Variants in PALM2AKAP2 observed in about 807,000 individuals in gnomAD.
The protein encoded by PALM2AKAP2 is PALM2-AKAP2 fusion protein.
Under a neutral mutation model 71.5 loss-of-function variants are expected in PALM2AKAP2, and 37 were observed. The observed-to-expected ratio is 0.52, with a 90% CI of 0.40 to 0.68. PALM2AKAP2 has a LOEUF of 0.68. Ranked by LOEUF, PALM2AKAP2 falls within the 30% of genes least tolerant of loss-of-function variation. The pLI is 0.00. For synonymous variants in PALM2AKAP2, 468 were observed against 478.8 expected (o/e 0.98, Z 0.29); for missense variants, 1,224 against 1,191.8 (o/e 1.03, Z -0.40).
At chr9:109,887,915 T>C (rs748360512) in intron 3 of PALM2AKAP2, among the ~76,000 whole-genome samples, 2 of 152,174 alleles carry the variant, frequency 1.3e-5, no homozygotes, top group African/African-American at 2.4e-5. Context: ...GGTAATGTGA[T>C]TCTCCCTCCT....
intron 1 of PALM2AKAP2, among the ~76,000 whole-genome samples, chr9:109,825,424 G>A (rs1029783272): frequency 5.3e-5 from 8 of 152,178 alleles, no homozygotes; most frequent in Non-Finnish European, 1.2e-4. Context: ...GAGTGAACAG[G>A]CAGCTTACAG....
At chr9:110,068,696 T>C (rs185977639) in intron 1 of PALM2AKAP2, among the ~76,000 whole-genome samples, 16 of 152,172 alleles carry the variant, frequency 1.1e-4, no homozygotes, top group Admixed American at 9.8e-4. Context: ...CATGCCTGGC[T>C]AATTTTTAAA....
At position 109,982,968 on chromosome 9, in the gene PALM2AKAP2, C is replaced by T. The variant is rs866694693; in HGVS notation, c.497-32986C>T. On this transcript the variant is annotated intron_variant, in intron 6 of 9. Coordinates refer to the PALM2AKAP2 transcript ENST00000302798. ...AGAAAGAGCCAGCCAGCTGTCTGCC[C>T]ATGTCTTTGAGCTACATGAAGATTA... Among the ~76,000 whole-genome samples the T allele has an allele frequency of 3.9e-5, 6 of 152,228 alleles. No individual in the cohort carries two copies. In the South Asian group the frequency reaches 1.2e-3, roughly 32 times the overall value.
chr9:109,974,411 G>T (rs1335876897), intron 6 of PALM2AKAP2, among the ~76,000 whole-genome samples: 2 of 152,084 alleles, frequency 1.3e-5, no homozygotes, highest in South Asian at 2.1e-4. Context: ...TCTTCTGGGA[G>T]TGTTGCCTCT....
intron 3 of PALM2AKAP2, among the ~76,000 whole-genome samples, chr9:109,905,994 A>C (rs1368882763): frequency 6.7e-6 from 1 of 150,326 alleles, no homozygotes; most frequent in Non-Finnish European, 1.5e-5. Context: ...CTTTTTTACA[A>C]AAAAGAGAAG....
chr9:110,051,997 G>T (rs372643878), intron 1 of PALM2AKAP2, among the ~76,000 whole-genome samples: 2 of 151,464 alleles, frequency 1.3e-5, no homozygotes, highest in Non-Finnish European at 2.9e-5. Flanking sequence ...CCGCTTCCCC[G>T]GTTCACATCA....
intron 6 of PALM2AKAP2, among the ~76,000 whole-genome samples, chr9:109,954,658 T>TAAAAAAAA (rs56743395): frequency 7.4e-4 from 80 of 107,814 alleles, no homozygotes; most frequent in African/African-American, 1.1e-3. Context: ...TAAAGTATAA[T>TAAAAAAAA]AAAAAAAAAA....
intron 2 of PALM2AKAP2, among the ~76,000 whole-genome samples, chr9:110,143,908 A>T (rs1189815352): frequency 6.6e-6 from 1 of 152,204 alleles, no homozygotes; most frequent in Non-Finnish European, 1.5e-5. Context: ...TACTTTTGTA[A>T]GCTGTACAGG....
chr9:109,977,228 A>G (rs576330166), intron 6 of PALM2AKAP2, among the ~76,000 whole-genome samples: 1 of 152,350 alleles, frequency 6.6e-6, no homozygotes, highest in South Asian at 2.1e-4. Context: ...GAATACAAGT[A>G]CAGGAGGTAG....
At position 110,168,338 on chromosome 9, in the gene PALM2AKAP2, C is replaced by T. The variant is rs1284240552; in HGVS notation, c.2749-61C>T. The T allele has an allele frequency of 4.2e-5, 66 of 1,565,048 alleles. No homozygotes were observed. In the Middle Eastern group the frequency reaches 6.8e-4, roughly 16 times the overall value. ...GAAAGGAAGAAAGAAACAGAGAAGT[C>T]GGTTTATGTTCATAATTAACATCCA... On this transcript the variant is annotated intron_variant, in intron 3 of 3. Coordinates refer to ENST00000374525, the Ensembl canonical transcript of PALM2AKAP2.
intron 2 of PALM2AKAP2, among the ~76,000 whole-genome samples, chr9:110,149,948 G>A (rs914530241): frequency 6.6e-6 from 1 of 152,174 alleles, no homozygotes; most frequent in Non-Finnish European, 1.5e-5. Flanking sequence ...CCAAAAGGAG[G>A]ATTGAGACCA....
chr9:109,802,614 C>G (rs1308137677), intron 1 of PALM2AKAP2, among the ~76,000 whole-genome samples: 1 of 152,250 alleles, frequency 6.6e-6, no homozygotes, highest in East Asian at 1.9e-4. Flanking sequence ...CCCAGGGCCT[C>G]AGAATCCTTT....
chr9:110,042,433 A>G (rs550517860), intron 7 of PALM2AKAP2, among the ~76,000 whole-genome samples: 25 of 152,314 alleles, frequency 1.6e-4, no homozygotes, highest in African/African-American at 6.0e-4. Flanking sequence ...CATGCCTGCT[A>G]CAGAAAAGCC....
intron 1 of PALM2AKAP2, among the ~76,000 whole-genome samples, chr9:109,859,461 C>T (rs1829254274): frequency 6.6e-6 from 1 of 152,160 alleles, no homozygotes; most frequent in Admixed American, 6.5e-5. Context: ...ATGATAAATA[C>T]ACGAGATGGT....
At chr9:109,750,571 C>CATGTGTGT (rs1554710712) in intron 1 of PALM2AKAP2, among the ~76,000 whole-genome samples, 8 of 147,204 alleles carry the variant, frequency 5.4e-5, no homozygotes, top group Admixed American at 5.4e-4. Flanking sequence ...TGCCCTAGGA[C>CATGTGTGT]GTGTGTGTGT....
intron 1 of PALM2AKAP2, among the ~76,000 whole-genome samples, chr9:109,813,943 C>T (rs945007110): frequency 2.0e-5 from 3 of 152,234 alleles, no homozygotes; most frequent in Non-Finnish European, 4.4e-5. Context: ...TGGTTCCCAG[C>T]ATCCTTCTTG....
At chr9:109,996,931 G>A (rs936915563) in intron 6 of PALM2AKAP2, among the ~76,000 whole-genome samples, 2 of 152,222 alleles carry the variant, frequency 1.3e-5, no homozygotes, top group African/African-American at 2.4e-5. Context: ...GTTCACGCCT[G>A]TAATCCCAGC....
exon 2 of PALM2AKAP2, chr9:110,137,677 G>C (rs906587146): frequency 6.2e-7 from 1 of 1,614,056 alleles, no homozygotes; most frequent in Non-Finnish European, 8.5e-7. Flanking sequence ...AATTGTCGGT[G>C]AGGTCTCAGG....
chr9:109,724,146 AGC>A (rs1828442950), intron 1 of PALM2AKAP2, among the ~76,000 whole-genome samples: 1 of 152,210 alleles, frequency 6.6e-6, no homozygotes, highest in Non-Finnish European at 1.5e-5. Flanking sequence ...TAAAATAAAT[AGC>A]AATAAAAATT....
Sources: allele counts gnomAD v4.1 joint callset (sites outside exome capture counted in the v4.1 genomes callset), GRCh38; gene constraint gnomAD v4.1.1; transcripts MANE v1.5; gene names NCBI Gene and HGNC (gene_info 2026-07-23, HGNC 2026-07-21).